The following FAM117B variants were observed in gnomAD, a reference collection of about 807,000 sequenced individuals.
FAM117B encodes protein FAM117B.
Under a neutral mutation model 52.8 loss-of-function variants are expected in FAM117B, and 22 were observed. That is an observed-to-expected ratio of 0.42 (90% confidence interval 0.30 to 0.59). FAM117B has a LOEUF of 0.59. Among genes scored for constraint, FAM117B ranks in the 20% least tolerant of loss-of-function variants. The pLI is 0.22. For missense variants in FAM117B, 678 were observed against 802.6 expected (o/e 0.84, Z 1.88); for synonymous variants, 309 against 324.1 (o/e 0.95, Z 0.50).
chr2:202,760,816 A>G (rs567951968), intron 7 of FAM117B, among the ~76,000 whole-genome samples: 29 of 152,178 alleles, frequency 1.9e-4, no homozygotes, highest in Admixed American at 1.8e-3. Context: ...CTTTGCCACT[A>G]TTTTGGAACT....
chr2:202,691,760 AT>A (rs1026011737), intron 1 of FAM117B, among the ~76,000 whole-genome samples: 6 of 149,104 alleles, frequency 4.0e-5, no homozygotes, highest in Admixed American at 6.7e-5. Context: ...CCCGAAAGGG[AT>A]TTTTTTTTAG....
chr2:202,638,002 G>A (rs1224478929), intron 1 of FAM117B, among the ~76,000 whole-genome samples: 1 of 151,472 alleles, frequency 6.6e-6, no homozygotes, highest in South Asian at 2.1e-4. Flanking sequence ...TCAGCCTCCC[G>A]AGTAGCTGGG....
At position 202,724,926 on chromosome 2, in the gene FAM117B, G is replaced by T. The variant is rs2105787022; in HGVS notation, c.763G>T (p.Ala255Ser). ...MRDKATQTES[A>S]WAEEYSEKKK... ...TCTTTTTTCATTACAGACAGAGAGT[G>T]CATGGGCTGAAGAATACTCTGAAAA... The change falls in exon 3 of 8, where the codon GCA becomes TCA. Residue 255 changes from alanine to serine, a missense_variant. Ala to Ser is a moderately conservative substitution (Grantham distance 99). Coordinates refer to ENST00000392238, the MANE Select transcript of FAM117B (RefSeq NM_173511.4). 1 of 1,610,384 alleles carries T rather than the reference G, an allele frequency of 6.2e-7. No homozygotes were observed. Among genetic ancestry groups the T allele is most frequent in the Non-Finnish European group, 8.5e-7 (1 of 1,177,812 alleles).
intron 1 of FAM117B, among the ~76,000 whole-genome samples, chr2:202,692,206 A>G (rs139276329): frequency 4.5e-4 from 68 of 152,346 alleles, no homozygotes; most frequent in African/African-American, 1.5e-3. Context: ...TTATAGAACT[A>G]GAATAACACT....
intron 1 of FAM117B, among the ~76,000 whole-genome samples, chr2:202,651,197 G>T (rs561147244): frequency 6.6e-6 from 1 of 151,658 alleles, no homozygotes; most frequent in Non-Finnish European, 1.5e-5. Flanking sequence ...GAGTAGATGG[G>T]ATTACAGGCA....
intron 2 of FAM117B, among the ~76,000 whole-genome samples, chr2:202,708,102 C>T (rs538409288): frequency 6.6e-6 from 1 of 152,200 alleles, no homozygotes; most frequent in South Asian, 2.1e-4. Flanking sequence ...AAGAGATCTA[C>T]TCTCAACAAA....
At chr2:202,708,021 T>G (rs1690900697) in intron 2 of FAM117B, among the ~76,000 whole-genome samples, 1 of 152,092 alleles carries the variant, frequency 6.6e-6, no homozygotes, top group Non-Finnish European at 1.5e-5. Context: ...CCACTCGCCT[T>G]GGCCTCCCAA....
intron 2 of FAM117B, among the ~76,000 whole-genome samples, chr2:202,711,908 CTGTT>C (rs1355995288): frequency 1.3e-5 from 2 of 152,022 alleles, no homozygotes; most frequent in Non-Finnish European, 1.5e-5. Flanking sequence ...CTCTATGTGT[CTGTT>C]TGTATGCCAA....
intron 1 of FAM117B, among the ~76,000 whole-genome samples, chr2:202,642,023 A>G (rs932784776): frequency 2.8e-5 from 4 of 142,034 alleles, no homozygotes; most frequent in African/African-American, 1.1e-4. Flanking sequence ...GCTTACTGCA[A>G]CCTCCGCCTC....
chr2:202,743,176 C>T (rs1466282914), intron 4 of FAM117B, among the ~76,000 whole-genome samples: 1 of 152,238 alleles, frequency 6.6e-6, no homozygotes, highest in Non-Finnish European at 1.5e-5. Context: ...GCCACCACTG[C>T]TGATGCCTGA....
intron 4 of FAM117B, among the ~76,000 whole-genome samples, chr2:202,751,272 A>G (rs973017188): frequency 2.6e-5 from 4 of 152,134 alleles, no homozygotes; most frequent in Non-Finnish European, 5.9e-5. Flanking sequence ...TTTTATACCT[A>G]TGGAGTGTTA....
chr2:202,704,168 A>G (rs887105536), intron 2 of FAM117B, among the ~76,000 whole-genome samples: 8 of 152,234 alleles, frequency 5.3e-5, no homozygotes, highest in Non-Finnish European at 7.3e-5. Context: ...TGGGAGAACT[A>G]TAGTACCAAT....
chr2:202,668,094 A>AATATATT (rs200548483), intron 1 of FAM117B, among the ~76,000 whole-genome samples: 11,219 of 142,948 alleles, frequency 0.078, 1,468 homozygotes, highest in African/African-American at 0.28. Context: ...ATTTTATAAA[A>AATATATT]ATATATTTAT....
chr2:202,688,241 AAT>A (rs1559102514), intron 1 of FAM117B, among the ~76,000 whole-genome samples: 1 of 152,202 alleles, frequency 6.6e-6, no homozygotes, highest in Non-Finnish European at 1.5e-5. Flanking sequence ...ATTTCAAAAA[AAT>A]ATAGATAATA....
intron 1 of FAM117B, among the ~76,000 whole-genome samples, chr2:202,644,084 T>TTTTC (rs1689822018): frequency 8.2e-6 from 1 of 121,786 alleles, no homozygotes; most frequent in Non-Finnish European, 1.8e-5. Context: ...TTTTTTTTTT[T>TTTTC]CAGTTTTATG....
chr2:202,706,722 A>G (rs1270353020), intron 2 of FAM117B, among the ~76,000 whole-genome samples: 1 of 152,246 alleles, frequency 6.6e-6, no homozygotes, highest in African/African-American at 2.4e-5. Context: ...AAGAAGTAAA[A>G]TTACTTTTTG....
rs2105770255 is a variant in FAM117B, at chr2:202,681,293, A to G, written c.602-14588A>G. Among the ~76,000 whole-genome samples the G allele has an allele frequency of 2.6e-5, 4 of 152,344 alleles. No homozygotes were observed. The South Asian group carries it at 8.3e-4, about 32-fold the overall frequency. Reference sequence around the variant, plus strand: ...GTAGAGAAAATGGAAAATAAGCAAGATGATAGGTTGGTATGACCATATAAT... The same window carrying G: ...GTAGAGAAAATGGAAAATAAGCAAGGTGATAGGTTGGTATGACCATATAAT... On this transcript the variant is annotated intron_variant, in intron 1 of 7. Transcript: ENST00000392238.
At position 202,769,252 on chromosome 2, in the gene FAM117B, C is replaced by G. The variant is rs1353398987; in HGVS notation, c.*3488C>G. ...AAAAAGTCAGAATTTATAGCTTTCA[C>G]TATGTCCAAGACTAGGACTGGGTTA... On this transcript the variant is annotated 3_prime_UTR_variant, in exon 8 of 8. Transcript: ENST00000392238. 6.6e-6 allele frequency: 1 copy of G among 152,452 alleles called. No homozygotes were observed. Among genetic ancestry groups the G allele is most frequent in the Non-Finnish European group, 1.5e-5 (1 of 68,024 alleles). The allele number at this position is 152,452 out of a possible 1,614,324, so 9.4% of individuals were successfully genotyped here. A position where few individuals can be genotyped will look rare whatever the true frequency, so the allele number is the denominator to read the frequency against.
chr2:202,638,777 C>T (rs1330972031), intron 1 of FAM117B, among the ~76,000 whole-genome samples: 8 of 151,956 alleles, frequency 5.3e-5, no homozygotes, highest in Admixed American at 3.9e-4. Flanking sequence ...ACCTGTGTTC[C>T]GCCAACTAGA....
Sources: allele counts gnomAD v4.1 joint callset (sites outside exome capture counted in the v4.1 genomes callset), GRCh38; gene constraint gnomAD v4.1.1; transcripts MANE v1.5; gene names NCBI Gene and HGNC (gene_info 2026-07-23, HGNC 2026-07-21).